CENPP: variants seen among roughly 807,000 people sequenced by gnomAD.
CENPP encodes the protein centromere protein P.
Under a neutral mutation model 35.6 loss-of-function variants are expected in CENPP, and 24 were observed. The ratio of observed to expected loss-of-function variants is 0.67; its 90% confidence interval spans 0.49 to 0.95. The LOEUF (loss-of-function observed/expected upper bound fraction) is 0.95, where lower values mean the gene tolerates loss of function less well. CENPP is among the 40% of genes least tolerant of loss of function. CENPP has a pLI of 0.00. For synonymous variants in CENPP, 120 were observed against 125.5 expected (o/e 0.96, Z 0.29); for missense variants, 332 against 345.3 (o/e 0.96, Z 0.31).
chr9:92,430,245 T>C (rs888497996), intron 5 of CENPP, among the ~76,000 whole-genome samples: 2 of 152,248 alleles, frequency 1.3e-5, no homozygotes, highest in Admixed American at 1.3e-4. Context: ...GAACTGCTTA[T>C]ATCTTTTATT....
intron 5 of CENPP, among the ~76,000 whole-genome samples, chr9:92,544,779 G>T (rs1022818936): frequency 6.7e-6 from 1 of 148,540 alleles, no homozygotes; most frequent in South Asian, 2.1e-4. Context: ...GCAGTGGCGC[G>T]ATCTCAGCTC....
At chr9:92,595,087 A>G (rs906703502) in intron 5 of CENPP, among the ~76,000 whole-genome samples, 4 of 151,872 alleles carry the variant, frequency 2.6e-5, no homozygotes, top group Admixed American at 2.0e-4. Flanking sequence ...TAGTAGAGAC[A>G]GGGTTTCACT....
chr9:92,537,015 G>A (rs559185717), intron 5 of CENPP, among the ~76,000 whole-genome samples: 18 of 151,580 alleles, frequency 1.2e-4, no homozygotes, highest in Non-Finnish European at 2.4e-4. Context: ...GCTTAAAGGC[G>A]CCTGCCACCA....
At chr9:92,597,796 A>AG (rs1850817957) in intron 5 of CENPP, among the ~76,000 whole-genome samples, 1 of 152,250 alleles carries the variant, frequency 6.6e-6, no homozygotes, top group South Asian at 2.1e-4. Context: ...ATCTTAAAAA[A>AG]GAACTACTGC....
At chr9:92,454,734 C>T (rs962850343) in intron 5 of CENPP, among the ~76,000 whole-genome samples, 2 of 152,144 alleles carry the variant, frequency 1.3e-5, no homozygotes, top group Admixed American at 6.6e-5. Flanking sequence ...GTTGTCACCC[C>T]TACCCTTTAT....
chr9:92,504,855 G>A (rs377445835), intron 5 of CENPP, among the ~76,000 whole-genome samples: 65 of 152,264 alleles, frequency 4.3e-4, no homozygotes, highest in African/African-American at 1.4e-3. Flanking sequence ...TGTTTTTAAC[G>A]CAGGAAATGA....
At chr9:92,567,374 A>ATATATATC (rs1850004640) in intron 5 of CENPP, among the ~76,000 whole-genome samples, 1 of 22,148 alleles carries the variant, frequency 4.5e-5, no homozygotes, top group Non-Finnish European at 9.7e-5. Context: ...CATAAGATAG[A>ATATATATC]TATATATATA....
intron 5 of CENPP, chr9:92,600,175 C>T: frequency 3.9e-6 from 3 of 778,956 alleles, no homozygotes; most frequent in Non-Finnish European, 5.4e-6. Flanking sequence ...GTCACGAAAT[C>T]TTTGGAGTTC....
At chr9:92,331,267 G>A (rs891601635) in intron 1 of CENPP, among the ~76,000 whole-genome samples, 17 of 152,032 alleles carry the variant, frequency 1.1e-4, no homozygotes, top group Admixed American at 5.9e-4. Flanking sequence ...TGCAAGCTCC[G>A]CCTCCCAGGT....
Position 92,615,077 on chromosome 9 carries a change from C to CCAA in CENPP, c.*1930_*1932dup, listed in dbSNP as rs1290006036. On this transcript the variant is annotated 3_prime_UTR_variant, in exon 8 of 8. Transcript: ENST00000375587. Reference sequence around the variant, plus strand: ...AGCTCAGCCAGTCACAGCTCCACCTCCAACTTCTACAGCAGCAATTTTTAG... The same window carrying CCAA: ...AGCTCAGCCAGTCACAGCTCCACCTCCAACAACTTCTACAGCAGCAATTTTTAG... 6.6e-6 allele frequency: 1 copy of CCAA among 152,308 alleles called. No individual in the cohort carries two copies. The highest frequency in any genetic ancestry group is 2.4e-5 in the African/African-American group (1 of 41,446). 9.4% of individuals were successfully genotyped at this position (152,308 alleles called of 1,614,324 possible). A position where few individuals can be genotyped will look rare whatever the true frequency, so the allele number is the denominator to read the frequency against.
chr9:92,560,759 A>T (rs970828964), intron 5 of CENPP, among the ~76,000 whole-genome samples: 4 of 151,528 alleles, frequency 2.6e-5, no homozygotes, highest in African/African-American at 9.7e-5. Context: ...TTTATTCCTT[A>T]TTCTTATTCT....
chr9:92,437,416 GT>G (rs778397559), intron 5 of CENPP, among the ~76,000 whole-genome samples: 1,891 of 137,350 alleles, frequency 0.014, 17 homozygotes, highest in Non-Finnish European at 0.02. Flanking sequence ...TTTTTGTTTT[GT>G]TTTTTTTTTT....
rs1845734142 is a variant in CENPP, at chr9:92,476,995, G to C, written c.564+97136G>C. Among the ~76,000 whole-genome samples, 3 of 152,216 alleles carry C rather than the reference G, an allele frequency of 2.0e-5. No individual in the cohort carries two copies. The highest frequency in any genetic ancestry group is 4.4e-5 in the Non-Finnish European group (3 of 68,038). ...CACATCTGTACATAAAGAAGCACCT[G>C]TGTAGCTTGGATTGGAAGGTAGAGA... On this transcript the variant is annotated intron_variant, in intron 5 of 7. Coordinates refer to ENST00000375587, the MANE Select transcript of CENPP (RefSeq NM_001012267.3). This position sits in a 1 kb window ranked among gnomAD's most constrained non-coding sequence, Gnocchi z 4.1.
intron 5 of CENPP, among the ~76,000 whole-genome samples, chr9:92,521,770 T>A (rs1184864910): frequency 1.3e-5 from 2 of 152,214 alleles, no homozygotes; most frequent in African/African-American, 4.8e-5. Flanking sequence ...TTTAATTCTA[T>A]TTGTGGTTGA....
intron 4 of CENPP, among the ~76,000 whole-genome samples, chr9:92,354,403 G>A (rs577954561): frequency 3.9e-5 from 6 of 152,198 alleles, no homozygotes; most frequent in Non-Finnish European, 5.9e-5. Context: ...TGAGCCATGC[G>A]TAACCTCCAT....
At chr9:92,435,304 C>A (rs1438316085) in intron 5 of CENPP, among the ~76,000 whole-genome samples, 1 of 149,938 alleles carries the variant, frequency 6.7e-6, no homozygotes, top group Non-Finnish European at 1.5e-5. Context: ...TAGATTTCTC[C>A]TATTACCTTA....
intron 5 of CENPP, among the ~76,000 whole-genome samples, chr9:92,589,575 GACATTCTCAT>G (rs1850620997): frequency 6.6e-6 from 1 of 152,076 alleles, no homozygotes; most frequent in Non-Finnish European, 1.5e-5. Context: ...AAATTACATG[GACATTCTCAT>G]ACATGTTGGC....
At chr9:92,609,334 C>T (rs906191473) in intron 5 of CENPP, among the ~76,000 whole-genome samples, 6 of 152,200 alleles carry the variant, frequency 3.9e-5, no homozygotes, top group African/African-American at 1.2e-4. Context: ...TGCCATTGTC[C>T]CCACACAACC....
intron 5 of CENPP, chr9:92,515,346 C>G: frequency 8.4e-7 from 1 of 1,183,986 alleles, no homozygotes; most frequent in Non-Finnish European, 1.1e-6. Context: ...CCTTGAAATT[C>G]TTGCTTAAAA....
Sources: gnomAD v4.1 joint callset for allele counts (sites outside exome capture counted in the v4.1 genomes callset) on GRCh38, gnomAD v4.1.1 for gene constraint, Gnocchi (gnomAD v3.1) non-coding constraint, MANE v1.5 for transcripts, NCBI Gene and HGNC (gene_info 2026-07-23, HGNC 2026-07-21) for gene names.